The following MACO1 variants were observed in gnomAD, a reference collection of about 807,000 sequenced individuals.
MACO1 encodes macoilin.
Under a neutral mutation model 78.7 loss-of-function variants are expected in MACO1, and 14 were observed. The ratio of observed to expected loss-of-function variants is 0.18; its 90% CI spans 0.12 to 0.28. The LOEUF is 0.28. MACO1 is among the 10% of genes least tolerant of loss of function. The pLI, the probability that MACO1 is intolerant of heterozygous loss-of-function variation, is 1.00. For missense variants in MACO1, 501 were observed against 799.0 expected, an observed-to-expected ratio of 0.63 and a Z score of 4.50; for synonymous variants, 288 against 291.6, an observed-to-expected ratio of 0.99 and a Z score of 0.12.
At chr1:25,435,640 A>G (rs1041110876) in intron 1 of MACO1, among the ~76,000 whole-genome samples, 4 of 152,184 alleles carry the variant, frequency 2.6e-5, no homozygotes, top group Non-Finnish European at 5.9e-5. Context: ...GTGTTCTGCA[A>G]CTGAAACCCC....
chr1:25,441,024 C>A (rs1191957914), intron 1 of MACO1, among the ~76,000 whole-genome samples: 1 of 152,174 alleles, frequency 6.6e-6, no homozygotes, highest in Non-Finnish European at 1.5e-5. Flanking sequence ...GGTAATCGTT[C>A]AGGCAGAAGC....
In MACO1 at chr1:25,492,818, A is replaced by G. The variant is rs149280792; in HGVS notation, c.1792+1234A>G. Among the ~76,000 whole-genome samples, 473 of 151,812 alleles carry G rather than the reference A, an allele frequency of 3.1e-3. 3 individuals carry two copies. The highest frequency in any genetic ancestry group is 0.011 in the African/African-American group (459 of 41,546). ...AATAGAGTACTCTATAGAGTACTAA[A>G]TAGAGTACTGCATAAAATAGAGTAC... On this transcript the variant is annotated intron_variant, in intron 10 of 10. Transcript: ENST00000374343.
chr1:25,481,202 A>T (rs2043374388), intron 6 of MACO1, among the ~76,000 whole-genome samples: 1 of 152,130 alleles, frequency 6.6e-6, no homozygotes, highest in Non-Finnish European at 1.5e-5. Flanking sequence ...TTTTTCTTTC[A>T]TTCCCAACTG....
intron 6 of MACO1, among the ~76,000 whole-genome samples, chr1:25,477,331 G>A (rs1365901591): frequency 1.3e-5 from 2 of 152,098 alleles, no homozygotes; most frequent in Non-Finnish European, 2.9e-5. Context: ...TGGAAAACAA[G>A]GAGTGGGTCA....
intron 1 of MACO1, among the ~76,000 whole-genome samples, chr1:25,432,063 GTTC>G (rs1463341737): frequency 2.6e-5 from 4 of 152,154 alleles, no homozygotes; most frequent in Non-Finnish European, 5.9e-5. Context: ...TTATTTTCTG[GTTC>G]TTCTCAGAAT....
intron 6 of MACO1, among the ~76,000 whole-genome samples, chr1:25,480,752 G>A (rs1240091939): frequency 6.6e-6 from 1 of 151,436 alleles, no homozygotes; most frequent in Non-Finnish European, 1.5e-5. Context: ...CCAACATGGC[G>A]AAACCTCGTC....
chr1:25,463,349 G>C (rs2043188063), intron 6 of MACO1, among the ~76,000 whole-genome samples: 1 of 152,176 alleles, frequency 6.6e-6, no homozygotes, highest in African/African-American at 2.4e-5. Context: ...GAGGAACCTG[G>C]GAATAAATAG....
At chr1:25,446,199 G>T (rs1298348907) in intron 1 of MACO1, among the ~76,000 whole-genome samples, 1 of 152,006 alleles carries the variant, frequency 6.6e-6, no homozygotes, top group Non-Finnish European at 1.5e-5. Flanking sequence ...CCCTAAGTTT[G>T]TTTCTGTCTA....
At chr1:25,459,145 C>G (rs1047407087) in intron 6 of MACO1, among the ~76,000 whole-genome samples, 1 of 152,184 alleles carries the variant, frequency 6.6e-6, no homozygotes, top group African/African-American at 2.4e-5. Context: ...TAACTTGATT[C>G]TTCTAGTCGT....
At position 25,446,789 on chromosome 1, in the gene MACO1, G is replaced by A; in HGVS notation, c.108G>A (p.Val36=). The change falls in exon 2 of 11, where the codon GTG becomes GTA. Residue 36 remains valine (V), a synonymous_variant. Transcript: ENST00000374343. ...CATTTTTATACCTGAAATTCCTGGT[G>A]GTGTGGGCACTTGTCCTCCTAGCAG... ...GSTFLYLKFL[V]VWALVLLADF... 6.2e-7 allele frequency: 1 copy of A among 1,612,600 alleles called. No individual in the cohort carries two copies. The highest frequency in any genetic ancestry group is 8.5e-7 in the Non-Finnish European group (1 of 1,179,268).
chr1:25,467,262 AAAAAT>A (rs748253129), intron 6 of MACO1, among the ~76,000 whole-genome samples: 7 of 152,174 alleles, frequency 4.6e-5, no homozygotes, highest in African/African-American at 7.2e-5. Flanking sequence ...TTTCTCAAAA[AAAAAT>A]AAAAAAGAAA....
intron 1 of MACO1, among the ~76,000 whole-genome samples, chr1:25,445,849 C>G (rs1466279411): frequency 6.6e-6 from 1 of 152,006 alleles, no homozygotes; most frequent in East Asian, 1.9e-4. Flanking sequence ...TAAATTTGAC[C>G]TCCAGAATTG....
intron 1 of MACO1, among the ~76,000 whole-genome samples, chr1:25,442,739 AC>A (rs948741920): frequency 2.6e-5 from 4 of 152,142 alleles, no homozygotes; most frequent in Non-Finnish European, 5.9e-5. Flanking sequence ...GATAATATTC[AC>A]TTTGATAGAG....
At chr1:25,461,509 A>G (rs1557666172) in intron 6 of MACO1, among the ~76,000 whole-genome samples, 1 of 152,142 alleles carries the variant, frequency 6.6e-6, no homozygotes, top group Non-Finnish European at 1.5e-5. Context: ...GAAAGTTGAG[A>G]TAAAACTAAT....
chr1:25,431,361 T>TGGCGA (rs2042865215), intron 1 of MACO1, among the ~76,000 whole-genome samples, 183 bp downstream of exon 1: 3 of 144,892 alleles, frequency 2.1e-5, no homozygotes. Context: ...GCGCGGGGCG[T>TGGCGA]GGCGAGGGTC....
chr1:25,467,341 C>T (rs986775511), intron 6 of MACO1, among the ~76,000 whole-genome samples: 2 of 152,160 alleles, frequency 1.3e-5, no homozygotes, highest in Non-Finnish European at 2.9e-5. Context: ...AGTTTCAAGG[C>T]CTGCAGAGGA....
At chr1:25,477,855 A>T (rs1248843205) in intron 6 of MACO1, among the ~76,000 whole-genome samples, 5 of 152,236 alleles carry the variant, frequency 3.3e-5, no homozygotes. Flanking sequence ...CAGGTAATTC[A>T]CAAGAGATAA....
At chr1:25,431,870 A>G (rs939481802) in intron 1 of MACO1, among the ~76,000 whole-genome samples, 2 of 151,850 alleles carry the variant, frequency 1.3e-5, no homozygotes, top group Non-Finnish European at 2.9e-5. Context: ...TTCCAAGCAG[A>G]TAGCTTGCTT....
chr1:25,438,261 A>G (rs974985812), intron 1 of MACO1, among the ~76,000 whole-genome samples: 3 of 152,242 alleles, frequency 2.0e-5, no homozygotes, highest in African/African-American at 7.2e-5. Flanking sequence ...GCTCTAAAAA[A>G]ACCTGTTAAC....
Sources: allele counts gnomAD v4.1 joint callset (sites outside exome capture counted in the v4.1 genomes callset), GRCh38; gene constraint gnomAD v4.1.1; transcripts MANE v1.5; gene names NCBI Gene and HGNC (gene_info 2026-07-23, HGNC 2026-07-21).